TMEM273: variants seen among roughly 807,000 people sequenced by gnomAD.
The protein encoded by TMEM273 is chromosome 10 open reading frame 128.
A neutral mutation model predicts 17.9 loss-of-function variants in TMEM273; 19 were observed. The ratio of observed to expected loss-of-function variants is 1.06; its 90% CI spans 0.74 to 1.55. The LOEUF (loss-of-function observed/expected upper bound fraction) is 1.55. Ranked by LOEUF, TMEM273 falls within the 40% of genes most tolerant of loss-of-function variation. The probability of loss-of-function intolerance (pLI) is 0.00; values close to 1 mark genes in which losing one functional copy is unlikely to be tolerated. For missense variants in TMEM273, 194 were observed against 155.6 expected (o/e 1.25, Z -1.31); for synonymous variants, 66 against 62.0 (o/e 1.07, Z -0.31).
chr10:49,160,104 C>T (rs1466622452), intron 6 of TMEM273, among the ~76,000 whole-genome samples: 1 of 152,222 alleles, frequency 6.6e-6, no homozygotes, highest in South Asian at 2.1e-4. Flanking sequence ...TTTGTAATCA[C>T]CAATGGCAAA....
At chr10:49,179,892 A>G (rs894861507) in intron 1 of TMEM273, among the ~76,000 whole-genome samples, 1 of 152,196 alleles carries the variant, frequency 6.6e-6, no homozygotes, top group Non-Finnish European at 1.5e-5. Flanking sequence ...GTCAAACAGC[A>G]CAGAAAAAAC....
intron 1 of TMEM273, among the ~76,000 whole-genome samples, chr10:49,178,687 C>T (rs1270511939): frequency 6.6e-6 from 1 of 152,154 alleles, no homozygotes; most frequent in Admixed American, 6.5e-5. Context: ...CAATAAGACT[C>T]CTCCTCCAGG....
intron 1 of TMEM273, among the ~76,000 whole-genome samples, chr10:49,178,688 C>T (rs1847154874): frequency 6.6e-6 from 1 of 152,172 alleles, no homozygotes; most frequent in African/African-American, 2.4e-5. Context: ...AATAAGACTC[C>T]TCCTCCAGGA....
chr10:49,165,630 C>G (rs1418581532), intron 4 of TMEM273, 136 bp downstream of exon 4: 2 of 1,341,920 alleles, frequency 1.5e-6, no homozygotes, highest in Non-Finnish European at 2.1e-6. Context: ...AAGGAGGGGA[C>G]CACGAGGTGC....
chr10:49,177,449 A>C (rs1461764270), intron 1 of TMEM273, among the ~76,000 whole-genome samples: 1 of 152,154 alleles, frequency 6.6e-6, no homozygotes, highest in Non-Finnish European at 1.5e-5. Flanking sequence ...AACAAGATAA[A>C]AAAGAAAAAA....
At chr10:49,160,748 G>A (rs1450565798) in intron 6 of TMEM273, 1 of 152,124 alleles carries the variant, frequency 6.6e-6, no homozygotes, top group African/African-American at 2.4e-5. Flanking sequence ...ACACTAATTT[G>A]CAAGTAGATC....
At chr10:49,188,257 C>T in intron 1 of TMEM273, 37 bp downstream of exon 1, 1 of 1,612,736 alleles carries the variant, frequency 6.2e-7, no homozygotes, top group Non-Finnish European at 8.5e-7. Context: ...CCCACTGAGG[C>T]TCCCCCGGGC....
intron 6 of TMEM273, among the ~76,000 whole-genome samples, chr10:49,158,594 C>T (rs549515072): frequency 4.6e-5 from 7 of 152,168 alleles, no homozygotes; most frequent in Admixed American, 1.3e-4. Flanking sequence ...AGGTAGAGCA[C>T]ACCAGGAAGC....
chr10:49,166,574 G>T, intron 3 of TMEM273: 1 of 396,812 alleles, frequency 2.5e-6, no homozygotes. Context: ...GGACTGCCAA[G>T]AGCAACTGAA....
intron 1 of TMEM273, among the ~76,000 whole-genome samples, chr10:49,169,853 C>T (rs1407632731): frequency 4.6e-5 from 7 of 152,232 alleles, no homozygotes; most frequent in South Asian, 2.1e-4. Context: ...GTGTGTGCTA[C>T]GTCTTCACCC....
Position 49,165,197 on chromosome 10 carries a change from G to T in TMEM273, c.348+8C>A. ...AGAATGGTGGCTGGAGTCGAGAGGG[G>T]ATTGTACCTTAAATAGGCCCTCCAT... On this transcript the variant is annotated splice_region_variant and intron_variant, in intron 5 of 6. Transcript: ENST00000374153. 1 of 1,548,280 alleles carries T rather than the reference G, an allele frequency of 6.5e-7. No homozygotes were observed. The highest frequency in any genetic ancestry group is 1.4e-5 in the African/African-American group (1 of 73,004).
intron 5 of TMEM273, among the ~76,000 whole-genome samples, chr10:49,163,681 G>A (rs1002102191): frequency 6.6e-6 from 1 of 152,162 alleles, no homozygotes; most frequent in South Asian, 2.1e-4. Context: ...GGGGTGGGGG[G>A]ATGACATGGG....
chr10:49,160,332 A>G (rs1845766017), intron 6 of TMEM273: 1 of 152,220 alleles, frequency 6.6e-6, no homozygotes, highest in Admixed American at 6.5e-5. Flanking sequence ...AAGATACACA[A>G]CATCACTTCA....
intron 1 of TMEM273, among the ~76,000 whole-genome samples, chr10:49,169,228 GGCAGGAGAGTGT>G (rs1209111046): frequency 1.3e-5 from 2 of 152,178 alleles, no homozygotes; most frequent in Non-Finnish European, 2.9e-5. Context: ...TCCAGGCAAA[GGCAGGAGAGTGT>G]GCTACCACTC....
chr10:49,176,799 C>T lies in TMEM273; in HGVS notation c.44-8837G>A, dbSNP rs1302020727. ...ACTAAACCCATCAGCCTCCACTTACCGGGACAGATCATTCGTAAACCCTGC... is the reference window on the plus strand; with the variant it reads ...ACTAAACCCATCAGCCTCCACTTACTGGGACAGATCATTCGTAAACCCTGC... On this transcript the variant is annotated intron_variant, in intron 1 of 6. Transcript: ENST00000374153. Among the ~76,000 whole-genome samples the T allele has an allele frequency of 3.9e-5, 6 of 152,192 alleles. No individual in the cohort carries two copies. The South Asian group carries it at 6.2e-4, about 16-fold the overall frequency.
At chr10:49,188,204 T>C in intron 1 of TMEM273, 90 bp downstream of exon 1, 2 of 1,396,016 alleles carry the variant, frequency 1.4e-6, no homozygotes, top group Non-Finnish European at 2.0e-6. Flanking sequence ...AGTTATGTTT[T>C]AGGGATCAAG....
chr10:49,181,279 A>G (rs1292942409), intron 1 of TMEM273, among the ~76,000 whole-genome samples: 1 of 152,240 alleles, frequency 6.6e-6, no homozygotes, highest in Middle Eastern at 3.2e-3. Context: ...AAAGATGTCA[A>G]ATCTCCCCAG....
At chr10:49,182,598 T>G (rs189817132) in intron 1 of TMEM273, among the ~76,000 whole-genome samples, 90 of 152,300 alleles carry the variant, frequency 5.9e-4, no homozygotes, top group African/African-American at 2.2e-3. Flanking sequence ...TGGATGGAAT[T>G]AGAGTCCACA....
At chr10:49,175,838 C>A (rs762948562) in intron 1 of TMEM273, among the ~76,000 whole-genome samples, 1 of 152,164 alleles carries the variant, frequency 6.6e-6, no homozygotes, top group Non-Finnish European at 1.5e-5. Flanking sequence ...CAAGGAGGAG[C>A]CTGAGGCTGT....
Sources: gnomAD v4.1 joint callset for allele counts (sites outside exome capture counted in the v4.1 genomes callset) on GRCh38, gnomAD v4.1.1 for gene constraint, MANE v1.5 for transcripts, NCBI Gene and HGNC (gene_info 2026-07-23, HGNC 2026-07-21) for gene names.